RPH3A: variants seen among roughly 807,000 people sequenced by gnomAD.
RPH3A encodes rabphilin 3A.
RPH3A carries 48 observed loss-of-function variants against 102.2 expected under a neutral mutation model. The observed-to-expected ratio is 0.47, with a 90% CI of 0.37 to 0.60. The LOEUF is 0.60. Among genes scored for constraint, RPH3A ranks in the 20% least tolerant of loss-of-function variants. RPH3A has a pLI of 0.00. For synonymous variants in RPH3A, 310 were observed against 324.3 expected (o/e 0.96, Z 0.47); for missense variants, 781 against 910.1 (o/e 0.86, Z 1.83).
intron 1 of RPH3A, among the ~76,000 whole-genome samples, chr12:112,755,352 C>T (rs2040817011): frequency 6.7e-6 from 1 of 150,296 alleles, no homozygotes; most frequent in African/African-American, 2.5e-5. Context: ...CATATGCATA[C>T]CTTGTTAAAT....
chr12:112,835,746 G>A (rs1374830039), intron 3 of RPH3A, among the ~76,000 whole-genome samples: 2 of 152,066 alleles, frequency 1.3e-5, no homozygotes, highest in African/African-American at 2.4e-5. Flanking sequence ...TCCTGCTTTT[G>A]TTATTTTCAA....
At chr12:112,833,729 TG>T (rs1348649584) in intron 3 of RPH3A, among the ~76,000 whole-genome samples, 4 of 128,678 alleles carry the variant, frequency 3.1e-5, no homozygotes, top group South Asian at 2.3e-4. Context: ...GATAATTTCA[TG>T]TTTTTTTTTT....
chr12:112,682,365 T>C (rs2136017100), intron 1 of RPH3A, among the ~76,000 whole-genome samples: 1 of 151,064 alleles, frequency 6.6e-6, no homozygotes, highest in Non-Finnish European at 1.5e-5. Context: ...CTTTTTTTTT[T>C]TTTTTTCTGT....
chr12:112,742,529 C>G (rs56397948), intron 1 of RPH3A, among the ~76,000 whole-genome samples: 5,181 of 152,258 alleles, frequency 0.034, 170 homozygotes, highest in African/African-American at 0.08. Context: ...CAGCAGGAAA[C>G]AGTTGGCATT....
chr12:112,822,795 A>G (rs1054409828), intron 2 of RPH3A, among the ~76,000 whole-genome samples: 1 of 152,262 alleles, frequency 6.6e-6, no homozygotes, highest in Non-Finnish European at 1.5e-5. Flanking sequence ...CACATACCTC[A>G]TAAGGCTGTT....
rs544225660 is a variant in RPH3A at position 112,862,067 on chromosome 12, C to T, written c.231-3347C>T. ...CCTGTGGAGGGCTCACATCTGTAAT[C>T]CCAATGCTTTGGGAAGCTAAGGCAA... is the stretch of plus-strand genomic sequence containing the variant. On this transcript the variant is annotated intron_variant, in intron 5 of 21. Coordinates refer to ENST00000389385, the MANE Select transcript of RPH3A (RefSeq NM_001143854.2). Among the ~76,000 whole-genome samples, 5 of 151,350 alleles carry T rather than the reference C, an allele frequency of 3.3e-5. No homozygotes were observed. The South Asian group carries it at 8.4e-4, about 25-fold the overall frequency.
rs763849876 is a variant in RPH3A at position 112,890,945 on chromosome 12, C to T, written c.1717C>T (p.Arg573Cys). 11 of 1,614,034 alleles carry T rather than the reference C, an allele frequency of 6.8e-6. No individual in the cohort carries two copies. The highest frequency in any genetic ancestry group is 1.7e-5 in the Admixed American group (1 of 60,008). Residue 573 changes from arginine (R) to cysteine (C), a missense_variant, in exon 19 of 22, where the codon CGC becomes TGC. Coordinates refer to ENST00000389385, the MANE Select transcript of RPH3A (RefSeq NM_001143854.2). ...QQGGLIVGII[R>C]CVHLAAMDAN... ...GGGAGGCCTCATTGTGGGCATCATA[C>T]GCTGCGTGCACCTGGCTGCCATGGA...
At chr12:112,647,181 T>C (rs2039937499) in intron 1 of RPH3A, among the ~76,000 whole-genome samples, 1 of 152,144 alleles carries the variant, frequency 6.6e-6, no homozygotes, top group African/African-American at 2.4e-5. Context: ...TTTGAAGATA[T>C]CCTTAACAAA....
At chr12:112,626,600 C>T (rs1485348413) in intron 1 of RPH3A, among the ~76,000 whole-genome samples, 1 of 149,394 alleles carries the variant, frequency 6.7e-6, no homozygotes, top group African/African-American at 2.5e-5. Flanking sequence ...AACACTTTTA[C>T]ACTGTGGGTG....
At chr12:112,578,129 A>G (rs1245510818) in intron 1 of RPH3A, among the ~76,000 whole-genome samples, 2 of 152,160 alleles carry the variant, frequency 1.3e-5, no homozygotes, top group African/African-American at 4.8e-5. Flanking sequence ...CCCTGAATTC[A>G]AAGTCATTTT....
At chr12:112,752,797 G>A (rs1565870216) in intron 1 of RPH3A, among the ~76,000 whole-genome samples, 1 of 151,870 alleles carries the variant, frequency 6.6e-6, no homozygotes, top group Non-Finnish European at 1.5e-5. Context: ...ATAGGGCCAT[G>A]CTTTATAGAC....
At chr12:112,759,659 G>A (rs576944896) in intron 1 of RPH3A, among the ~76,000 whole-genome samples, 1 of 152,282 alleles carries the variant, frequency 6.6e-6, no homozygotes, top group South Asian at 2.1e-4. Context: ...ACTCCAAAAG[G>A]TGAGATTAAA....
At chr12:112,601,488 C>A (rs1461883620) in intron 1 of RPH3A, among the ~76,000 whole-genome samples, 18 of 152,104 alleles carry the variant, frequency 1.2e-4, no homozygotes, top group Admixed American at 1.2e-3. Context: ...AGCCAGGGCT[C>A]TGTGAATCAG....
chr12:112,642,561 T>C (rs1409311110), intron 1 of RPH3A, among the ~76,000 whole-genome samples: 1 of 152,178 alleles, frequency 6.6e-6, no homozygotes, highest in African/African-American at 2.4e-5. Flanking sequence ...TGTGGCAGTG[T>C]TGGGATTCAA....
chr12:112,650,438 T>C (rs2039965392), intron 1 of RPH3A, among the ~76,000 whole-genome samples: 1 of 152,162 alleles, frequency 6.6e-6, no homozygotes, highest in Admixed American at 6.5e-5. Flanking sequence ...CAAATCTTCC[T>C]CTTTTCATTG....
chr12:112,793,419 A>C (rs1189487301), intron 2 of RPH3A, among the ~76,000 whole-genome samples: 1 of 152,236 alleles, frequency 6.6e-6, no homozygotes, highest in Non-Finnish European at 1.5e-5. Flanking sequence ...ATAAAACAAC[A>C]GTCAGAGATT....
intron 1 of RPH3A, among the ~76,000 whole-genome samples, chr12:112,638,334 C>T (rs1338119531): frequency 6.6e-6 from 1 of 152,164 alleles, no homozygotes; most frequent in African/African-American, 2.4e-5. Context: ...CTCAGGTATT[C>T]CTGTCTAGCA....
intron 4 of RPH3A, among the ~76,000 whole-genome samples, chr12:112,846,057 G>T (rs1169071048): frequency 6.6e-6 from 1 of 152,166 alleles, no homozygotes; most frequent in Non-Finnish European, 1.5e-5. Flanking sequence ...GTGACCAGGG[G>T]GAGCAAGGGG....
intron 1 of RPH3A, among the ~76,000 whole-genome samples, chr12:112,603,061 A>T (rs2039570394): frequency 1.3e-5 from 2 of 152,126 alleles, no homozygotes; most frequent in Admixed American, 1.3e-4. Context: ...AAGGGGTATG[A>T]TCTAATGGTA....
Sources: gnomAD v4.1 joint callset for allele counts (sites outside exome capture counted in the v4.1 genomes callset) on GRCh38, gnomAD v4.1.1 for gene constraint, MANE v1.5 for transcripts, NCBI Gene and HGNC (gene_info 2026-07-23, HGNC 2026-07-21) for gene names.